NPFFR2: variants seen among roughly 807,000 people sequenced by gnomAD.
NPFFR2 encodes neuropeptide FF receptor 2, also known as G-protein coupled receptor 74.
NPFFR2 carries 15 observed loss-of-function variants against 13.1 expected under a neutral mutation model. That is an observed-to-expected ratio of 1.15 (90% CI 0.77 to 1.76). The LOEUF is 1.76. Ranked by LOEUF, NPFFR2 falls within the 40% of genes most tolerant of loss-of-function variation. The pLI is 0.00. For missense variants in NPFFR2, 572 were observed against 503.5 expected (o/e 1.14, Z -1.30); for synonymous variants, 190 against 175.7 (o/e 1.08, Z -0.65).
At chr4:72,038,958 G>T (rs535778339) in intron 1 of NPFFR2, among the ~76,000 whole-genome samples, 2 of 125,214 alleles carry the variant, frequency 1.6e-5, no homozygotes, top group South Asian at 2.7e-4. Flanking sequence ...AGGCTAGAGT[G>T]CAGTGGCGCA....
At chr4:72,075,687 T>C (rs183965742) in intron 1 of NPFFR2, among the ~76,000 whole-genome samples, 256 of 152,162 alleles carry the variant, frequency 1.7e-3, no homozygotes, top group Admixed American at 2.7e-3. Context: ...AAATACTGTA[T>C]GATTCCACTT....
At chr4:72,113,291 A>G (rs375821092) in intron 1 of NPFFR2, among the ~76,000 whole-genome samples, 5 of 152,186 alleles carry the variant, frequency 3.3e-5, no homozygotes, top group African/African-American at 9.6e-5. Context: ...TATAAGCAAT[A>G]CATAGATTTT....
In NPFFR2 at chr4:72,127,351, ATTTCT is replaced by A. The variant is rs1277085531; in HGVS notation, c.-7-1225_-7-1221del. 2.2e-4 allele frequency among the ~76,000 whole-genome samples: 27 copies of A among 123,414 alleles called. 1 individual carries two copies. Among genetic ancestry groups the A allele is most frequent in the African/African-American group, 8.8e-4 (26 of 29,444 alleles). 81.0% of individuals were successfully genotyped at this position (123,414 alleles called of 152,430 possible). On this transcript the variant is annotated intron_variant, in intron 1 of 3. Coordinates refer to ENST00000308744, the MANE Select transcript of NPFFR2 (RefSeq NM_004885.3). ...AAAAAAGTCATACAGATTCTAAATA[ATTTCT>A]TTTCTTTTTTTTTTTTTTTTTTTTT...
At chr4:72,088,636 T>C (rs1578447175) in intron 1 of NPFFR2, among the ~76,000 whole-genome samples, 2 of 152,070 alleles carry the variant, frequency 1.3e-5, no homozygotes, top group African/African-American at 4.8e-5. Context: ...TTACCAATAG[T>C]GGCAGAAGGC....
intron 1 of NPFFR2, 51 bp from the exon 2 acceptor site, chr4:72,128,534 G>A: frequency 2.6e-6 from 3 of 1,145,072 alleles, no homozygotes; most frequent in South Asian, 1.6e-5. Context: ...CAGAATTTAT[G>A]CTTTACTGGT....
intron 1 of NPFFR2, among the ~76,000 whole-genome samples, chr4:72,032,469 C>T (rs1193017883): frequency 6.6e-6 from 1 of 152,214 alleles, no homozygotes; most frequent in African/African-American, 2.4e-5. Context: ...GCTTTCTTCA[C>T]CTTAAAGTTC....
intron 1 of NPFFR2, among the ~76,000 whole-genome samples, chr4:72,037,655 C>G (rs771014892): frequency 2.0e-5 from 3 of 152,140 alleles, no homozygotes; most frequent in Non-Finnish European, 4.4e-5. Context: ...CCTCATCCTC[C>G]ACAGGTGTGC....
At chr4:72,145,723 T>G (rs1291301440) in intron 3 of NPFFR2, among the ~76,000 whole-genome samples, 1 of 152,166 alleles carries the variant, frequency 6.6e-6, no homozygotes, top group African/African-American at 2.4e-5. Flanking sequence ...TTAGATAAGT[T>G]AATTTGGAGT....
intron 1 of NPFFR2, among the ~76,000 whole-genome samples, chr4:72,068,596 C>A (rs1720144223): frequency 6.6e-6 from 1 of 152,056 alleles, no homozygotes; most frequent in Admixed American, 6.6e-5. Flanking sequence ...TATCCTTGTG[C>A]CTAGAACAGA....
chr4:72,034,758 A>G (rs960189634), intron 1 of NPFFR2, among the ~76,000 whole-genome samples: 2 of 152,098 alleles, frequency 1.3e-5, no homozygotes, highest in African/African-American at 2.4e-5. Context: ...GAATTTTCCA[A>G]TTGCCTTGAA....
At chr4:72,083,075 A>C (rs1041408519) in intron 1 of NPFFR2, among the ~76,000 whole-genome samples, 40 of 151,864 alleles carry the variant, frequency 2.6e-4, no homozygotes, top group African/African-American at 9.5e-4. Flanking sequence ...GTGTATAAAC[A>C]ACAGATAAAT....
intron 1 of NPFFR2, among the ~76,000 whole-genome samples, chr4:72,075,997 A>C (rs1227677786): frequency 4.5e-3 from 80 of 17,598 alleles, no homozygotes; most frequent in African/African-American, 6.1e-3. Context: ...ACACACACAC[A>C]CACACACACA....
chr4:72,144,094 T>C (rs1352778391), intron 3 of NPFFR2, among the ~76,000 whole-genome samples: 1 of 152,196 alleles, frequency 6.6e-6, no homozygotes, highest in Non-Finnish European at 1.5e-5. Context: ...AAAGTACAGC[T>C]TGTCTCTGTT....
chr4:72,042,713 C>T (rs13121468), intron 1 of NPFFR2, among the ~76,000 whole-genome samples: 135,461 of 152,226 alleles, frequency 0.89, 61,413 homozygotes, highest in Non-Finnish European at 0.98. Context: ...GAACACTCAA[C>T]TTGAGAGAGA....
At chr4:72,127,050 C>A (rs956550489) in intron 1 of NPFFR2, among the ~76,000 whole-genome samples, 9 of 151,880 alleles carry the variant, frequency 5.9e-5, no homozygotes, top group South Asian at 2.1e-4. Flanking sequence ...CGCCTGTAAT[C>A]CCAGCACTTT....
chr4:72,141,378 C>A (rs1722618362), intron 3 of NPFFR2, among the ~76,000 whole-genome samples: 1 of 152,182 alleles, frequency 6.6e-6, no homozygotes, highest in South Asian at 2.1e-4. Flanking sequence ...ATCTTTCCTG[C>A]TTTCTCTTGT....
At position 72,058,009 on chromosome 4, in the gene NPFFR2, G is replaced by A. The variant is rs541078805; in HGVS notation, c.-8+25809G>A. ...CAAAGTTATGAAAGACAGGAAGAGA[G>A]GATGGAGAGGCTTGGCTAGTTAAAA... is the stretch of plus-strand genomic sequence containing the variant. On this transcript the variant is annotated intron_variant, in intron 1 of 3. Coordinates refer to ENST00000308744, the MANE Select transcript of NPFFR2 (RefSeq NM_004885.3). Among the ~76,000 whole-genome samples the A allele has an allele frequency of 1.3e-4, 20 of 152,126 alleles. No individual in the cohort carries two copies. The East Asian group carries it at 3.9e-3, about 29-fold the overall frequency.
chr4:72,127,971 T>C (rs1216189757), intron 1 of NPFFR2, among the ~76,000 whole-genome samples: 1 of 151,840 alleles, frequency 6.6e-6, no homozygotes, highest in African/African-American at 2.4e-5. Context: ...TCTCAGCTAC[T>C]TGGGGGGTGA....
intron 1 of NPFFR2, among the ~76,000 whole-genome samples, chr4:72,103,759 T>A (rs376320056): frequency 3.3e-5 from 5 of 152,276 alleles, no homozygotes; most frequent in African/African-American, 9.6e-5. Flanking sequence ...TACCCATTAA[T>A]GATTTATGTT....
Sources: allele counts gnomAD v4.1 joint callset (sites outside exome capture counted in the v4.1 genomes callset), GRCh38; gene constraint gnomAD v4.1.1; transcripts MANE v1.5; gene names NCBI Gene and HGNC (gene_info 2026-07-23, HGNC 2026-07-21).